The following EFCAB5 variants were observed in gnomAD, a reference collection of about 807,000 sequenced individuals.
The protein encoded by EFCAB5 is EF-hand calcium-binding domain-containing protein 5.
A neutral mutation model predicts 167.9 loss-of-function variants in EFCAB5; 131 were observed. The ratio of observed to expected loss-of-function variants is 0.78; its 90% CI spans 0.68 to 0.90. EFCAB5 has a LOEUF of 0.90. Ranked by LOEUF, EFCAB5 falls within the 40% of genes least tolerant of loss-of-function variation. The pLI is 0.00. For synonymous variants in EFCAB5, 574 were observed against 602.8 expected (o/e 0.95, Z 0.70); for missense variants, 1,663 against 1,745.2 (o/e 0.95, Z 0.84).
At chr17:30,069,953 G>A (rs2070688918) in intron 14 of EFCAB5, among the ~76,000 whole-genome samples, 1 of 152,154 alleles carries the variant, frequency 6.6e-6, no homozygotes, top group Admixed American at 6.5e-5. Context: ...CTGAACTTGA[G>A]GCCGCCTTGG....
At chr17:30,024,228 G>C (rs1041164035) in intron 7 of EFCAB5, among the ~76,000 whole-genome samples, 6 of 152,144 alleles carry the variant, frequency 3.9e-5, no homozygotes, top group African/African-American at 1.4e-4. Context: ...ATTAGGAAAA[G>C]AGGAAGTCAA....
rs1276299539 is a variant in EFCAB5, at chr17:30,080,813, C to T, written c.3258C>T (p.Asn1086=). 2.5e-6 allele frequency: 4 copies of T among 1,613,248 alleles called. No individual in the cohort carries two copies. Among genetic ancestry groups the T allele is most frequent in the Non-Finnish European group, 3.4e-6 (4 of 1,179,662 alleles). The change falls in exon 17 of 23, where the codon AAC becomes AAT. Residue 1086 remains asparagine (N), a synonymous_variant. Coordinates refer to ENST00000394835, the MANE Select transcript of EFCAB5 (RefSeq NM_198529.4). ...TTCCCCAAGTTCAGTACCATGGGAA[C>T]ATCTTCTTCTGGAACCAGTCCCGTA... The part of the protein sequence containing the change: ...IHVPQVQYHG[N]IFFWNQSRNK...
intron 1 of EFCAB5, among the ~76,000 whole-genome samples, chr17:29,935,464 T>A (rs528126494): frequency 6.6e-6 from 1 of 151,188 alleles, no homozygotes; most frequent in African/African-American, 2.4e-5. Context: ...GGGGCTGAGG[T>A]GGGAGAATTG....
chr17:30,092,263 T>G, intron 21 of EFCAB5, 106 bp downstream of exon 21: 2 of 1,187,036 alleles, frequency 1.7e-6, no homozygotes, highest in Non-Finnish European at 2.3e-6. Context: ...ATGCAAGAAT[T>G]TTTACTGAGT....
chr17:29,978,959 T>A (rs1254515440), intron 4 of EFCAB5, among the ~76,000 whole-genome samples: 1 of 151,910 alleles, frequency 6.6e-6, no homozygotes, highest in African/African-American at 2.4e-5. Flanking sequence ...GCAGGGGGGA[T>A]GGGGGGAGTG....
At chr17:30,016,934 T>C (rs1017772847) in intron 7 of EFCAB5, among the ~76,000 whole-genome samples, 2 of 152,130 alleles carry the variant, frequency 1.3e-5, no homozygotes, top group Admixed American at 6.5e-5. Context: ...CCCAGCACTT[T>C]GGGAGGCTTA....
chr17:29,966,241 C>T (rs987804095), intron 3 of EFCAB5, among the ~76,000 whole-genome samples: 2 of 152,160 alleles, frequency 1.3e-5, no homozygotes, highest in Admixed American at 6.5e-5. Context: ...TGTCTTTCTT[C>T]AGTTCTGAGA....
intron 7 of EFCAB5, 58 bp downstream of exon 7, chr17:30,000,034 G>A: frequency 7.8e-7 from 1 of 1,286,684 alleles, no homozygotes; most frequent in Non-Finnish European, 1.1e-6. Context: ...TCAATTGTCT[G>A]TTGGTGGCTG....
chr17:29,941,071 G>A (rs555167597), upstream of EFCAB5, among the ~76,000 whole-genome samples: 5 of 151,714 alleles, frequency 3.3e-5, no homozygotes, highest in South Asian at 2.1e-4. Flanking sequence ...AAGTGAATAC[G>A]CTAGAGCATT....
At chr17:29,952,866 G>T (rs545238286) in intron 3 of EFCAB5, among the ~76,000 whole-genome samples, 25 of 151,848 alleles carry the variant, frequency 1.6e-4, no homozygotes, top group Non-Finnish European at 2.4e-4. Context: ...TATACTTGCA[G>T]GTCTTTAATA....
intron 21 of EFCAB5, 118 bp downstream of exon 21, chr17:30,092,275 G>T: frequency 2.8e-6 from 3 of 1,090,148 alleles, no homozygotes; most frequent in Non-Finnish European, 3.8e-6. Context: ...TTACTGAGTG[G>T]AACACGTTCA....
intron 18 of EFCAB5, among the ~76,000 whole-genome samples, chr17:30,085,465 A>G (rs1273030305): frequency 6.6e-6 from 1 of 152,262 alleles, no homozygotes. Flanking sequence ...TCACGCCTGT[A>G]ATCCCAGCAC....
intron 3 of EFCAB5, among the ~76,000 whole-genome samples, chr17:29,952,997 A>G (rs2067542983): frequency 1.3e-5 from 2 of 152,218 alleles, no homozygotes; most frequent in East Asian, 1.9e-4. Flanking sequence ...CTTAATAACT[A>G]CTTTCCAGTT....
chr17:30,092,849 A>G lies in EFCAB5; in HGVS notation c.4234A>G (p.Lys1412Glu), dbSNP rs2071228232. 1 of 1,610,996 alleles carries G rather than the reference A, an allele frequency of 6.2e-7. No homozygotes were observed. The highest frequency in any genetic ancestry group is 1.3e-5 in the African/African-American group (1 of 74,802). ...TGTTGTTTGTTCACAGTATGTTAAC[A>G]AATATTTAGTCAACAATATTTGTGC... is the stretch of plus-strand genomic sequence containing the variant. ...SWDKCKFYVN[K>E]YLVNNICAFD... The change falls in exon 22 of 23, where the codon AAA becomes GAA. Residue 1412 changes from lysine (K) to glutamate (E), a missense_variant. Transcript: ENST00000394835.
rs866019319 is a variant in EFCAB5, at chr17:29,952,132, T to A, written c.190+8483T>A. ...TGCTTCCTAGATGGCACCTTGAACA[T>A]TGTGTCCTCCAGAGGAGATGAACAC... is the stretch of plus-strand genomic sequence containing the variant. On this transcript the variant is annotated intron_variant, in intron 3 of 22. Coordinates refer to ENST00000394835, the MANE Select transcript of EFCAB5 (RefSeq NM_198529.4). 5.3e-5 allele frequency among the ~76,000 whole-genome samples: 8 copies of A among 152,296 alleles called. No homozygotes were observed. In the South Asian group the frequency reaches 1.7e-3, roughly 32 times the overall value.
chr17:30,020,602 G>A (rs888621840), intron 7 of EFCAB5, among the ~76,000 whole-genome samples: 9 of 151,934 alleles, frequency 5.9e-5, no homozygotes, highest in African/African-American at 1.7e-4. Context: ...TGACCCACCC[G>A]CCTCGGCCTC....
rs546658184 is a variant in EFCAB5 at position 29,960,501 on chromosome 17, A to G, written c.191-8290A>G. Among the ~76,000 whole-genome samples, 16 of 152,310 alleles carry G rather than the reference A, an allele frequency of 1.1e-4. No individual in the cohort carries two copies. The East Asian group carries it at 2.9e-3, about 28-fold the overall frequency. Reference sequence around the variant, plus strand: ...GTGCAGGTTTGTTACATAGGTAAACATGTGCCATGGTTGTTTGGTGCACCT... The same window carrying G: ...GTGCAGGTTTGTTACATAGGTAAACGTGTGCCATGGTTGTTTGGTGCACCT... On this transcript the variant is annotated intron_variant, in intron 3 of 22. Transcript: ENST00000394835.
At chr17:30,059,772 A>G in intron 14 of EFCAB5, 71 bp downstream of exon 14, 1 of 1,347,058 alleles carries the variant, frequency 7.4e-7, no homozygotes, top group South Asian at 1.8e-5. Flanking sequence ...GTACACATAT[A>G]CAGTTAAAAT....
chr17:29,981,445 T>G (rs1169360638), intron 4 of EFCAB5, among the ~76,000 whole-genome samples: 1 of 152,222 alleles, frequency 6.6e-6, no homozygotes, highest in East Asian at 1.9e-4. Context: ...GAGTTCAGGC[T>G]CAGACACCAT....
Sources: allele counts gnomAD v4.1 joint callset (sites outside exome capture counted in the v4.1 genomes callset), GRCh38; gene constraint gnomAD v4.1.1; transcripts MANE v1.5; gene names NCBI Gene and HGNC (gene_info 2026-07-23, HGNC 2026-07-21).